Variants in ZNF337 observed in about 807,000 individuals in gnomAD.
ZNF337 encodes the protein zinc finger protein 337.
ZNF337 carries 8 observed loss-of-function variants against 12.1 expected under a neutral mutation model. That is an observed-to-expected ratio of 0.66 (90% CI 0.39 to 1.19). ZNF337 has a LOEUF of 1.19. Among genes scored for constraint, ZNF337 ranks in the 50% most tolerant of loss-of-function variants. The probability of loss-of-function intolerance (pLI) is 0.01; values close to 1 mark genes in which losing one functional copy is unlikely to be tolerated. For missense variants in ZNF337, 882 were observed against 896.6 expected (o/e 0.98, Z 0.21); for synonymous variants, 336 against 320.0 (o/e 1.05, Z -0.53).
intron 4 of ZNF337, chr20:25,678,147 A>G (rs1274708825): frequency 3.3e-5 from 5 of 152,186 alleles, no homozygotes; most frequent in African/African-American, 1.2e-4. Flanking sequence ...GATCGTACCT[A>G]TAGAAAACCT....
intron 1 of ZNF337, among the ~76,000 whole-genome samples, chr20:25,696,005 C>T (rs1324102103): frequency 6.6e-6 from 1 of 151,804 alleles, no homozygotes. Flanking sequence ...CCGGATTTTG[C>T]CGTCATTAGC....
intron 1 of ZNF337, among the ~76,000 whole-genome samples, chr20:25,693,541 T>C (rs1165726088): frequency 6.6e-6 from 1 of 152,232 alleles, no homozygotes; most frequent in Non-Finnish European, 1.5e-5. Flanking sequence ...AATAATTTTT[T>C]ACAAGACCTG....
chr20:25,677,234 C>CATT, intron 4 of ZNF337, 197 bp from the exon 5 acceptor site: 1 of 538,784 alleles, frequency 1.9e-6, no homozygotes, highest in Non-Finnish European at 3.2e-6. Context: ...AAAAGGCCAG[C>CATT]ATTATCCTGA....
In ZNF337 at chr20:25,673,410, G is replaced by T. The variant is rs1240519629; in HGVS notation, c.*1622C>A. On this transcript the variant is annotated 3_prime_UTR_variant, in exon 5 of 5. Transcript: ENST00000252979. ...TGTAGGGCACATGCTCATTAAGCTGGCCTTAATTGTGAAGGTTCTGTGGTA... is the reference window on the plus strand; with the variant it reads ...TGTAGGGCACATGCTCATTAAGCTGTCCTTAATTGTGAAGGTTCTGTGGTA... 6.6e-6 allele frequency among the ~76,000 whole-genome samples: 1 copy of T among 152,186 alleles called. No individual in the cohort carries two copies. Among genetic ancestry groups the T allele is most frequent in the Admixed American group, 6.5e-5 (1 of 15,280 alleles).
At chr20:25,687,321 A>C (rs539645082) in intron 1 of ZNF337, among the ~76,000 whole-genome samples, 1 of 152,296 alleles carries the variant, frequency 6.6e-6, no homozygotes, top group African/African-American at 2.4e-5. Flanking sequence ...ATTTTCTCCG[A>C]ATTTTTTGAA....
rs2122495913 is a variant in ZNF337, at chr20:25,696,743, C to G, written c.-50+16G>C. 1.0e-6 allele frequency: 1 copy of G among 985,500 alleles called. No individual in the cohort carries two copies. The highest frequency in any genetic ancestry group is 5.2e-4 in the Middle Eastern group (1 of 1,916). 61.0% of individuals were successfully genotyped at this position (985,500 alleles called of 1,614,324 possible). A position where few individuals can be genotyped will look rare whatever the true frequency, so the allele number is the denominator to read the frequency against. On this transcript the variant is annotated intron_variant, in intron 1 of 4. Transcript: ENST00000252979. ...AGGGCGCGCTGCAGAGAGGGACCCG[C>G]AGGAGCGCAGCTCACCGGGGCGGCT...
chr20:25,689,994 GA>G (rs1265130953), intron 1 of ZNF337, among the ~76,000 whole-genome samples: 3 of 152,190 alleles, frequency 2.0e-5, no homozygotes, highest in African/African-American at 7.2e-5. Context: ...ATTAAAAACA[GA>G]AGGCAGCTGG....
intron 1 of ZNF337, among the ~76,000 whole-genome samples, chr20:25,694,736 TATA>T (rs1339966372): frequency 7.9e-5 from 12 of 152,330 alleles, no homozygotes; most frequent in Non-Finnish European, 1.5e-5. Context: ...ATTACTCTTA[TATA>T]ATGAGGCTCA....
chr20:25,696,741 C>T lies in ZNF337; in HGVS notation c.-50+18G>A. ...GAAGGGCGCGCTGCAGAGAGGGACC[C>T]GCAGGAGCGCAGCTCACCGGGGCGG... On this transcript the variant is annotated intron_variant, in intron 1 of 4. Coordinates refer to ENST00000252979, the MANE Select transcript of ZNF337 (RefSeq NM_015655.4). The T allele has an allele frequency of 2.0e-6, 2 of 985,486 alleles. No homozygotes were observed. Among genetic ancestry groups the T allele is most frequent in the Non-Finnish European group, 2.4e-6 (2 of 829,944 alleles). The allele number at this position is 985,486 out of a possible 1,614,324, so 61.0% of individuals were successfully genotyped here.
intron 1 of ZNF337, among the ~76,000 whole-genome samples, chr20:25,690,140 G>C (rs1038854430): frequency 2.0e-5 from 3 of 152,150 alleles, no homozygotes; most frequent in African/African-American, 7.2e-5. Context: ...ATAAACATTA[G>C]CTGGATGTGG....
At chr20:25,696,156 C>T (rs564694022) in intron 1 of ZNF337, among the ~76,000 whole-genome samples, 1 of 149,008 alleles carries the variant, frequency 6.7e-6, no homozygotes, top group East Asian at 2.1e-4. Context: ...GGCCTACACT[C>T]CTATCCGCGG....
Position 25,676,742 on chromosome 20 carries a change from A to G in ZNF337, c.546T>C (p.Cys182=). 1 of 1,614,218 alleles carries G rather than the reference A, an allele frequency of 6.2e-7. No homozygotes were observed. Among genetic ancestry groups the G allele is most frequent in the East Asian group, 2.2e-5 (1 of 44,888 alleles). Residue 182 remains cysteine (C), a synonymous_variant, in exon 5 of 5, where the codon TGT becomes TGC. Coordinates refer to ENST00000252979, the MANE Select transcript of ZNF337 (RefSeq NM_015655.4). The part of the protein sequence containing the change: ...IENSRWGAFK[C]AERGQDFSRK... ...GGCTGAAGTCTTGCCCACGCTCTGC[A>G]CACTTGAATGCTCCCCATCTTGAAT...
At chr20:25,678,700 C>T (rs926938185) in intron 4 of ZNF337, among the ~76,000 whole-genome samples, 2 of 152,110 alleles carry the variant, frequency 1.3e-5, no homozygotes, top group Non-Finnish European at 2.9e-5. Flanking sequence ...AATCCCAGTG[C>T]TCTGAGAGAC....
intron 1 of ZNF337, among the ~76,000 whole-genome samples, chr20:25,688,809 G>A (rs935132061): frequency 3.3e-5 from 5 of 152,258 alleles, no homozygotes; most frequent in South Asian, 2.1e-4. Flanking sequence ...GTTCCTAAGC[G>A]GAGAACTACA....
chr20:25,684,090 A>G (rs1168719573), intron 4 of ZNF337, among the ~76,000 whole-genome samples: 1 of 151,600 alleles, frequency 6.6e-6, no homozygotes, highest in African/African-American at 2.4e-5. Context: ...ATTCTCAGCA[A>G]ACTATCTCAA....
At chr20:25,682,133 T>C (rs2065775799) in intron 4 of ZNF337, among the ~76,000 whole-genome samples, 1 of 152,062 alleles carries the variant, frequency 6.6e-6, no homozygotes, top group African/African-American at 2.4e-5. Flanking sequence ...ATATATGCCA[T>C]GAAATAAGGA....
At position 25,675,026 on chromosome 20, in the gene ZNF337, A is replaced by G. The variant is rs745738131; in HGVS notation, c.*6T>C. The G allele has an allele frequency of 1.9e-6, 3 of 1,601,758 alleles. No individual in the cohort carries two copies. Among genetic ancestry groups the G allele is most frequent in the Admixed American group, 3.4e-5 (2 of 58,502 alleles). On this transcript the variant is annotated 3_prime_UTR_variant, in exon 5 of 5. Transcript: ENST00000252979. The stretch of plus-strand genomic sequence containing the variant: ...TGTGTCCTCTGATGGATGGTGAGAT[A>G]TAACTTCAAGATGAAGCCTCACCCA...
Position 25,674,668 on chromosome 20 carries a change from G to T in ZNF337, c.*364C>A. On this transcript the variant is annotated 3_prime_UTR_variant, in exon 5 of 5. Transcript: ENST00000252979. ...ATTGTTTGCAGTCCAAGGAGGTTGGGGAGAGTGTAACAGGCCTGCCTTGGT... is the reference window on the plus strand; with the variant it reads ...ATTGTTTGCAGTCCAAGGAGGTTGGTGAGAGTGTAACAGGCCTGCCTTGGT... 4.4e-6 allele frequency: 1 copy of T among 229,588 alleles called. No individual in the cohort carries two copies. The highest frequency in any genetic ancestry group is 1.0e-4 in the East Asian group (1 of 9,912). 14.2% of individuals were successfully genotyped at this position (229,588 alleles called of 1,614,324 possible). A position where few individuals can be genotyped will look rare whatever the true frequency, so the allele number is the denominator to read the frequency against.
Position 25,688,403 on chromosome 20 carries a change from A to C in ZNF337, c.-49-1937T>G, listed in dbSNP as rs146514291. On this transcript the variant is annotated intron_variant, in intron 1 of 4. Transcript: ENST00000252979. ...AATTTTTTTTTCTGTTTCAACGTTT[A>C]TGCCTTTTATTCCTTTTTAATACCT... Among the ~76,000 whole-genome samples, 345 of 152,234 alleles carry C rather than the reference A, an allele frequency of 2.3e-3. 1 individual carries two copies. The highest frequency in any genetic ancestry group is 6.8e-3 in the Middle Eastern group (2 of 294).
Sources: gnomAD v4.1 joint callset for allele counts (sites outside exome capture counted in the v4.1 genomes callset) on GRCh38, gnomAD v4.1.1 for gene constraint, MANE v1.5 for transcripts, NCBI Gene and HGNC (gene_info 2026-07-23, HGNC 2026-07-21) for gene names.